The following HYCC1 variants were observed in gnomAD, a reference collection of about 807,000 sequenced individuals.
HYCC1 encodes hyccin PI4KA lipid kinase complex subunit 1.
the HYCC1 span, chr7:22,940,801 CTCTT>C: frequency 6.6e-6 from 1 of 151,070 alleles, no homozygotes; most frequent in African/African-American, 2.4e-5. Context: ...GAGATATAGA[CTCTT>C]TCTTCTTCTT....
the HYCC1 span, among the ~76,000 whole-genome samples, chr7:22,898,813 G>A: frequency 6.6e-6 from 1 of 151,862 alleles, no homozygotes; most frequent in African/African-American, 2.4e-5. Context: ...ATATTGGCCA[G>A]GCCGGTCTCA....
chr7:22,911,336 T>A, the HYCC1 span, among the ~76,000 whole-genome samples: 1 of 152,238 alleles, frequency 6.6e-6, no homozygotes, highest in Non-Finnish European at 1.5e-5. Flanking sequence ...TTTGTTTTTA[T>A]ACCAAGCAAT....
the HYCC1 span, among the ~76,000 whole-genome samples, chr7:22,970,486 A>G: frequency 6.6e-6 from 1 of 152,334 alleles, no homozygotes; most frequent in African/African-American, 2.4e-5. Flanking sequence ...AGTTTCTAGC[A>G]GTTGACAGTC....
the HYCC1 span, among the ~76,000 whole-genome samples, chr7:22,958,658 T>C: frequency 1.3e-5 from 2 of 152,144 alleles, no homozygotes; most frequent in Non-Finnish European, 2.9e-5. Context: ...CTATAAAATA[T>C]GTCTGGGAAA....
At chr7:22,950,094 T>C in the HYCC1 span, among the ~76,000 whole-genome samples, 6 of 152,006 alleles carry the variant, frequency 3.9e-5, no homozygotes, top group Non-Finnish European at 5.9e-5. Flanking sequence ...CCTATATAAC[T>C]CTGTGACCCG....
chr7:22,900,023 C>T, the HYCC1 span, among the ~76,000 whole-genome samples: 1 of 152,078 alleles, frequency 6.6e-6, no homozygotes, highest in Non-Finnish European at 1.5e-5. Context: ...AGATAATAAA[C>T]ATTGTCTACC....
At chr7:22,952,182 A>G in the HYCC1 span, among the ~76,000 whole-genome samples, 1 of 152,028 alleles carries the variant, frequency 6.6e-6, no homozygotes, top group African/African-American at 2.4e-5. Flanking sequence ...TCACACTGTA[A>G]TATCGGAACC....
At chr7:22,979,302 T>C in the HYCC1 span, among the ~76,000 whole-genome samples, 1 of 152,232 alleles carries the variant, frequency 6.6e-6, no homozygotes, top group Non-Finnish European at 1.5e-5. Context: ...TATACTTCAA[T>C]AAACACTAAG....
chr7:22,905,747 T>C, the HYCC1 span, among the ~76,000 whole-genome samples: 1 of 152,202 alleles, frequency 6.6e-6, no homozygotes, highest in Non-Finnish European at 1.5e-5. Flanking sequence ...GAATATAAAA[T>C]GTTTTATGTC....
the HYCC1 span, chr7:22,938,834 A>C: frequency 2.4e-5 from 3 of 126,390 alleles, no homozygotes; most frequent in Admixed American, 1.6e-4. Flanking sequence ...TCCATGCTTC[A>C]CTCACAGTGA....
the HYCC1 span, among the ~76,000 whole-genome samples, chr7:22,982,422 T>C: frequency 2.8e-3 from 426 of 152,316 alleles, 3 homozygotes; most frequent in African/African-American, 9.9e-3. Flanking sequence ...GGATATTCTA[T>C]ACCCCCTCCA....
chr7:22,929,406 C>T, the HYCC1 span, among the ~76,000 whole-genome samples: 1 of 152,166 alleles, frequency 6.6e-6, no homozygotes, highest in African/African-American at 2.4e-5. Flanking sequence ...GAACAGGCAA[C>T]CTACAAAATG....
chr7:22,974,939 G>A, the HYCC1 span, among the ~76,000 whole-genome samples: 2 of 152,276 alleles, frequency 1.3e-5, no homozygotes, highest in African/African-American at 4.8e-5. Flanking sequence ...TGCCATGTAA[G>A]ACGTGCCTTT....
chr7:22,957,547 A>T, the HYCC1 span, among the ~76,000 whole-genome samples: 1 of 152,000 alleles, frequency 6.6e-6, no homozygotes, highest in Non-Finnish European at 1.5e-5. Context: ...AGAAAGAGGA[A>T]AAAAAGAATA....
chr7:22,921,456 A>G, the HYCC1 span, among the ~76,000 whole-genome samples: 10 of 152,340 alleles, frequency 6.6e-5, no homozygotes, highest in African/African-American at 1.9e-4. Flanking sequence ...AATAGACACA[A>G]AATTACATAA....
chr7:22,946,990 C>T, the HYCC1 span: 4 of 1,549,462 alleles, frequency 2.6e-6, no homozygotes, highest in Non-Finnish European at 3.5e-6. Flanking sequence ...TAAAACTGCA[C>T]TCTGCCAGGT....
chr7:22,918,708 C>A, the HYCC1 span, among the ~76,000 whole-genome samples: 2 of 152,050 alleles, frequency 1.3e-5, no homozygotes, highest in African/African-American at 4.8e-5. Context: ...CTGGAGCTCC[C>A]CACTGAGCAC....
chr7:22,976,902 G>T, the HYCC1 span: 1 of 755,728 alleles, frequency 1.3e-6, no homozygotes, highest in Non-Finnish European at 2.3e-6. Context: ...TAGCTACCAC[G>T]AACATCATAT....
At chr7:22,973,815 T>C in the HYCC1 span, among the ~76,000 whole-genome samples, 1 of 152,202 alleles carries the variant, frequency 6.6e-6, no homozygotes, top group Non-Finnish European at 1.5e-5. Flanking sequence ...ACTCATAATA[T>C]AAAAGTAAGT....
Sources: gnomAD v4.1 joint callset for allele counts (sites outside exome capture counted in the v4.1 genomes callset) on GRCh38, gnomAD v4.1.1 for gene constraint, MANE v1.5 for transcripts, NCBI Gene and HGNC (gene_info 2026-07-23, HGNC 2026-07-21) for gene names.